Variants in TRANK1 observed in about 807,000 individuals in gnomAD.
TRANK1 encodes the protein tetratricopeptide repeat and ankyrin repeat containing 1.
In TRANK1, 198 loss-of-function variants were observed where a neutral mutation model predicts 266.0. The observed-to-expected ratio is 0.74, with a 90% CI of 0.66 to 0.84. The LOEUF is 0.84. Among genes scored for constraint, TRANK1 ranks in the 40% least tolerant of loss-of-function variants. The pLI, the probability that TRANK1 is intolerant of heterozygous loss-of-function variation, is 0.00. For synonymous variants in TRANK1, 1,396 were observed against 1,384.1 expected, an observed-to-expected ratio of 1.01 and a Z score of -0.19; for missense variants, 3,326 against 3,634.6, an observed-to-expected ratio of 0.92 and a Z score of 2.18.
chr3:36,922,415 C>T (rs1053219481), intron 1 of TRANK1, among the ~76,000 whole-genome samples: 2 of 152,002 alleles, frequency 1.3e-5, no homozygotes, highest in Non-Finnish European at 2.9e-5. Context: ...ACCAGCCTGG[C>T]CAATGTGGTG....
chr3:36,850,102 G>A (rs1047658312), intron 15 of TRANK1: 129 of 985,196 alleles, frequency 1.3e-4, no homozygotes, highest in African/African-American at 6.5e-4. Flanking sequence ...CTTCTTACTC[G>A]CACAAGCATA....
chr3:36,942,713 T>G (rs2080513091), intron 1 of TRANK1, among the ~76,000 whole-genome samples: 1 of 151,972 alleles, frequency 6.6e-6, no homozygotes, highest in Non-Finnish European at 1.5e-5. Flanking sequence ...TCAGTCTACT[T>G]CATCACTCCT....
intron 1 of TRANK1, among the ~76,000 whole-genome samples, chr3:36,917,562 CTGTT>C (rs1312206853): frequency 1.3e-5 from 2 of 152,028 alleles, no homozygotes; most frequent in Non-Finnish European, 2.9e-5. Flanking sequence ...GTGTATTTAT[CTGTT>C]TGTTTAAGGG....
rs533819825 is a variant in TRANK1, at chr3:36,920,101, C to T, written c.24-11647G>A. Among the ~76,000 whole-genome samples, 45 of 152,298 alleles carry T rather than the reference C, an allele frequency of 3.0e-4. No homozygotes were observed. In the South Asian group the frequency reaches 8.9e-3, roughly 30 times the overall value. On this transcript the variant is annotated intron_variant, in intron 1 of 23. Transcript: ENST00000645898. ...ATAATAAGTTCAGGAAATAAATTCT[C>T]TTAAAATGCTTTACCAATAAATGGC...
chr3:36,856,674 TG>T lies in TRANK1; in HGVS notation c.3047del (p.Pro1016GlnfsTer12). On this transcript the variant is annotated frameshift_variant, in exon 13 of 24. Coordinates refer to ENST00000645898, the MANE Select transcript of TRANK1 (RefSeq NM_001329998.2). LOFTEE classifies it high-confidence loss of function. The part of the protein sequence containing the change: ...REHVNPEYFP[P>X]ASAVETEYNI... ...TATATTCTGTCTCCACTGCACTGGCTGGGGGAAAGTACTCAGGATTGACATG... is the reference window on the plus strand; with the variant it reads ...TATATTCTGTCTCCACTGCACTGGCTGGGGAAAGTACTCAGGATTGACATG... 3 of 1,614,036 alleles carry T rather than the reference TG, an allele frequency of 1.9e-6. No homozygotes were observed. Among genetic ancestry groups the T allele is most frequent in the Non-Finnish European group, 2.5e-6 (3 of 1,179,890 alleles).
At chr3:36,867,054 C>G (rs552296276) in intron 9 of TRANK1, among the ~76,000 whole-genome samples, 1 of 152,134 alleles carries the variant, frequency 6.6e-6, no homozygotes, top group Non-Finnish European at 1.5e-5. Context: ...AAGAAAGACC[C>G]ACATCACCCT....
At chr3:36,878,754 C>T (rs183571300) in intron 8 of TRANK1, among the ~76,000 whole-genome samples, 9 of 150,080 alleles carry the variant, frequency 6.0e-5, no homozygotes, top group South Asian at 2.1e-4. Context: ...AAGTACCCCC[C>T]CCGAACCTAA....
intron 5 of TRANK1, among the ~76,000 whole-genome samples, chr3:36,894,824 G>A (rs1043241181): frequency 1.3e-5 from 2 of 152,160 alleles, no homozygotes; most frequent in African/African-American, 4.8e-5. Flanking sequence ...GAAAGCCCAG[G>A]AGGGCTGTTC....
chr3:36,879,763 T>TATGTAA lies in TRANK1; in HGVS notation c.908-5468_908-5467insTTACAT, dbSNP rs1559448588. Among the ~76,000 whole-genome samples the TATGTAA allele has an allele frequency of 2.2e-4, 15 of 66,828 alleles. No homozygotes were observed. In the South Asian group the frequency reaches 2.7e-3, roughly 12 times the overall value. 43.8% of individuals were successfully genotyped at this position (66,828 alleles called of 152,430 possible). A position where few individuals can be genotyped will look rare whatever the true frequency, so the allele number is the denominator to read the frequency against. On this transcript the variant is annotated intron_variant, in intron 8 of 23. Transcript: ENST00000645898. ...ATACAAATATATAAATATATATAAATATATATAAATATATATAAATATGTA... is the reference window on the plus strand; with the variant it reads ...ATACAAATATATAAATATATATAAATATGTAAATATATAAATATATATAAATATGTA...
intron 23 of TRANK1, 75 bp downstream of exon 23, chr3:36,829,489 T>TC: frequency 2.0e-6 from 3 of 1,479,028 alleles, no homozygotes; most frequent in South Asian, 1.2e-5. Flanking sequence ...CACTTCAGAT[T>TC]CCCCCCGGGA....
In TRANK1 at chr3:36,846,353, C is replaced by T. The variant is rs1445673461; in HGVS notation, c.5086G>A (p.Val1696Ile). Residue 1696 changes from valine (V) to isoleucine (I), a missense_variant, in exon 17 of 24, where the codon GTC (valine) becomes ATC (isoleucine). Coordinates refer to ENST00000645898, the MANE Select transcript of TRANK1 (RefSeq NM_001329998.2). ...TTTTCATCAAAGATCCAGAGGTTGA[C>T]CCGAGCCCGTGTGATGGCGGTGTAC... ...QLYTAITRAR[V>I]NLWIFDENRE... 3.1e-6 allele frequency: 5 copies of T among 1,613,796 alleles called. No homozygotes were observed. Among genetic ancestry groups the T allele is most frequent in the Non-Finnish European group, 3.4e-6 (4 of 1,179,826 alleles).
chr3:36,840,968 G>A (rs1295447115), intron 18 of TRANK1, among the ~76,000 whole-genome samples: 1 of 152,230 alleles, frequency 6.6e-6, no homozygotes, highest in Non-Finnish European at 1.5e-5. Context: ...TAAGTTATAT[G>A]CTACAGACTT....
rs1422475306 is a variant in TRANK1 at position 36,856,313 on chromosome 3, C to T, written c.3409G>A (p.Glu1137Lys). The stretch of plus-strand genomic sequence containing the variant: ...ATAGAATCTTCCTCTTCCTCGTCCT[C>T]TTCCTCCTCCTCTTCCTCCCCACCT... The part of the protein sequence containing the change: ...SPGGEEEEEE[E>K]DEEEEDSIEV... Residue 1137 changes from glutamate to lysine, a missense_variant, in exon 13 of 24, where the codon GAG becomes AAG. Physicochemically the swap from Glu to Lys is moderately conservative, Grantham distance 56. Transcript: ENST00000645898. 1 of 1,577,296 alleles carries T rather than the reference C, an allele frequency of 6.3e-7. No homozygotes were observed. The highest frequency in any genetic ancestry group is 8.6e-7 in the Non-Finnish European group (1 of 1,161,464).
At chr3:36,909,957 T>C (rs769899578) in intron 1 of TRANK1, among the ~76,000 whole-genome samples, 2 of 152,248 alleles carry the variant, frequency 1.3e-5, no homozygotes, top group African/African-American at 4.8e-5. Flanking sequence ...TGCTTTTCTT[T>C]CAAATATTGT....
Position 36,831,241 on chromosome 3 carries a change from T to G in TRANK1, c.8342A>C (p.Glu2781Ala), listed in dbSNP as rs143015930. Reference protein sequence around the residue: ...LCGVKFTRGPENYFSPSKAFE... With the variant: ...LCGVKFTRGPANYFSPSKAFE... Reference sequence around the variant, plus strand: ...CGCTTTGCTGGGGCTGAAATAGTTCTCTGGGCCACGGGTAAACTTCACTCC... The same window carrying G: ...CGCTTTGCTGGGGCTGAAATAGTTCGCTGGGCCACGGGTAAACTTCACTCC... Residue 2781 changes from glutamate to alanine, a missense_variant, in exon 22 of 24, where the codon GAG becomes GCG. By Grantham distance (107) the Glu-to-Ala change is moderately radical. Coordinates refer to ENST00000645898, the MANE Select transcript of TRANK1 (RefSeq NM_001329998.2). This position sits in a 1 kb window ranked among gnomAD's most constrained non-coding sequence, Gnocchi z 5.0. 14 of 1,613,576 alleles carry G rather than the reference T, an allele frequency of 8.7e-6. No homozygotes were observed. The East Asian group carries it at 2.9e-4, about 33-fold the overall frequency.
At chr3:36,834,972 A>C in intron 20 of TRANK1, 65 bp from the exon 21 acceptor site, 1 of 1,408,266 alleles carries the variant, frequency 7.1e-7, no homozygotes, top group African/African-American at 1.5e-5. Context: ...TCTTAAACCA[A>C]TACCACAAGT....
At chr3:36,898,744 G>A (rs531830018) in intron 4 of TRANK1, among the ~76,000 whole-genome samples, 14 of 151,592 alleles carry the variant, frequency 9.2e-5, no homozygotes, top group African/African-American at 2.4e-4. Flanking sequence ...CCAGCCGCTC[G>A]GGAGGCTGAG....
intron 21 of TRANK1, chr3:36,834,504 T>C: frequency 2.6e-6 from 1 of 390,442 alleles, no homozygotes; most frequent in Non-Finnish European, 4.5e-6. Context: ...CGTCATTATA[T>C]ACACACTCAT....
chr3:36,918,667 GAAAGAAAGAA>G (rs1432665309), intron 1 of TRANK1, among the ~76,000 whole-genome samples: 1 of 149,952 alleles, frequency 6.7e-6, no homozygotes, highest in Admixed American at 6.7e-5. Context: ...GAGAAAGAGA[GAAAGAAAGAA>G]AAAGAAAGAA....
Sources: gnomAD v4.1 joint callset for allele counts (sites outside exome capture counted in the v4.1 genomes callset) on GRCh38, gnomAD v4.1.1 for gene constraint, Gnocchi (gnomAD v3.1) non-coding constraint, MANE v1.5 for transcripts, NCBI Gene and HGNC (gene_info 2026-07-23, HGNC 2026-07-21) for gene names.